PIP5K1C: variants seen among roughly 807,000 people sequenced by gnomAD.
PIP5K1C encodes the protein phosphatidylinositol-4-phosphate 5-kinase type 1 gamma.
In PIP5K1C, 45 loss-of-function variants were observed where a neutral mutation model predicts 80.1. The ratio of observed to expected loss-of-function variants is 0.56; its 90% confidence interval spans 0.44 to 0.72. The LOEUF (loss-of-function observed/expected upper bound fraction) is 0.72, where lower values mean the gene tolerates loss of function less well. PIP5K1C is among the 30% of genes least tolerant of loss of function. The pLI is 0.00. For synonymous variants in PIP5K1C, 498 were observed against 420.1 expected, an observed-to-expected ratio of 1.19 and a Z score of -2.27; for missense variants, 753 against 954.6, an observed-to-expected ratio of 0.79 and a Z score of 2.78.
At chr19:3,687,351 G>C (rs896851858) in intron 1 of PIP5K1C, among the ~76,000 whole-genome samples, 1 of 152,180 alleles carries the variant, frequency 6.6e-6, no homozygotes, top group Non-Finnish European at 1.5e-5. Context: ...GGCAGACTGA[G>C]ACTCAGTCTC....
chr19:3,637,665 C>G lies in PIP5K1C; in HGVS notation c.1920+1219G>C. On this transcript the variant is annotated intron_variant, in intron 16 of 17. Transcript: ENST00000335312. The surrounding 1 kb of genome is among the most constrained non-coding windows in gnomAD (Gnocchi z 7.0). ...GAGGAGGAAGGAAAACAGAGGACAGCGGATGAGGCGGCCACCCCCGTGGTC... is the reference window on the plus strand; with the variant it reads ...GAGGAGGAAGGAAAACAGAGGACAGGGGATGAGGCGGCCACCCCCGTGGTC... 1 of 1,506,042 alleles carries G rather than the reference C, an allele frequency of 6.6e-7. No homozygotes were observed. The highest frequency in any genetic ancestry group is 8.8e-7 in the Non-Finnish European group (1 of 1,130,656). The allele number at this position is 1,506,042 out of a possible 1,614,324, so 93.3% of individuals were successfully genotyped here.
chr19:3,677,111 A>T (rs1052031387), intron 1 of PIP5K1C, among the ~76,000 whole-genome samples: 18 of 151,774 alleles, frequency 1.2e-4, no homozygotes, highest in African/African-American at 4.1e-4. Context: ...TAAAATTAAA[A>T]TAAAATAAAA....
intron 1 of PIP5K1C, among the ~76,000 whole-genome samples, chr19:3,699,728 G>GC (rs1159925207): frequency 6.6e-6 from 1 of 152,090 alleles, no homozygotes; most frequent in Non-Finnish European, 1.5e-5. Flanking sequence ...CCAGCCCGCA[G>GC]CCCCACCAGT....
In PIP5K1C at chr19:3,683,930, C is replaced by A. The variant is rs10407023; in HGVS notation, c.94+16367G>T. Among the ~76,000 whole-genome samples, 232 of 134,178 alleles carry A rather than the reference C, an allele frequency of 1.7e-3. 4 individuals are homozygous for A. Among genetic ancestry groups the A allele is most frequent in the African/African-American group, 6.1e-3 (207 of 34,158 alleles). The allele number at this position is 134,178 out of a possible 152,430, so 88.0% of individuals were successfully genotyped here. On this transcript the variant is annotated intron_variant, in intron 1 of 17. Coordinates refer to ENST00000335312, the MANE Select transcript of PIP5K1C (RefSeq NM_012398.3). ...TTCCCCTCCCGGGCAGTCCCACACC[C>A]CCCCCACGCTGGAGCCCCCGCTTCC...
intron 8 of PIP5K1C, among the ~76,000 whole-genome samples, chr19:3,650,938 C>T (rs372504482): frequency 3.9e-5 from 6 of 151,934 alleles, no homozygotes; most frequent in African/African-American, 1.4e-4. Flanking sequence ...TTGTATTAAG[C>T]AGAGATGGGG....
In PIP5K1C at chr19:3,633,128, G is replaced by C. The variant is rs1201713168; in HGVS notation, c.*39C>G. 4 of 754,070 alleles carry C rather than the reference G, an allele frequency of 5.3e-6. No homozygotes were observed. The highest frequency in any genetic ancestry group is 9.9e-6 in the Non-Finnish European group (4 of 405,832). The allele number at this position is 754,070 out of a possible 1,614,324, so 46.7% of individuals were successfully genotyped here. A position where few individuals can be genotyped will look rare whatever the true frequency, so the allele number is the denominator to read the frequency against. On this transcript the variant is annotated 3_prime_UTR_variant, in exon 18 of 18. Coordinates refer to ENST00000335312, the MANE Select transcript of PIP5K1C (RefSeq NM_012398.3). ...AGCGCCTTCGGGGGCAGCCGGAGCA[G>C]AAGTGGAGCTCGGCTCTGGGTCGGG...
At chr19:3,671,898 G>A (rs1288275149) in intron 1 of PIP5K1C, among the ~76,000 whole-genome samples, 1 of 152,248 alleles carries the variant, frequency 6.6e-6, no homozygotes, top group Non-Finnish European at 1.5e-5. Flanking sequence ...TGCTGAATGA[G>A]CCACCCCGTT....
intron 12 of PIP5K1C, 76 bp from the exon 13 acceptor site, chr19:3,643,457 G>A: frequency 2.5e-6 from 4 of 1,575,426 alleles, no homozygotes; most frequent in Non-Finnish European, 3.5e-6. Context: ...CCTGAGGCTT[G>A]GCTCACCCTG....
At chr19:3,641,157 G>A (rs1425659591) in intron 15 of PIP5K1C, among the ~76,000 whole-genome samples, 1 of 151,996 alleles carries the variant, frequency 6.6e-6, no homozygotes, top group Non-Finnish European at 1.5e-5. Flanking sequence ...GGAGGCTGCA[G>A]TGAGCCAAGA....
rs1182931640 is a variant in PIP5K1C, at chr19:3,631,898, G to C, written c.*1269C>G. 1.3e-5 allele frequency: 2 copies of C among 152,274 alleles called. No homozygotes were observed. Among genetic ancestry groups the C allele is most frequent in the Non-Finnish European group, 2.9e-5 (2 of 68,072 alleles). 9.4% of individuals were successfully genotyped at this position (152,274 alleles called of 1,614,324 possible). ...CTTCCACTCCAGCTCCTCACATCCT[G>C]GGCACATCTTGGAAGTGGGGGATTC... On this transcript the variant is annotated 3_prime_UTR_variant, in exon 18 of 18. Coordinates refer to ENST00000335312, the MANE Select transcript of PIP5K1C (RefSeq NM_012398.3).
intron 8 of PIP5K1C, among the ~76,000 whole-genome samples, chr19:3,650,429 C>T (rs11668596): frequency 0.084 from 12,762 of 152,320 alleles, 668 homozygotes; most frequent in East Asian, 0.27. Context: ...CACTGCTATA[C>T]GACACCTGTC....
chr19:3,652,985 T>C (rs1461757298), intron 7 of PIP5K1C, among the ~76,000 whole-genome samples: 1 of 152,236 alleles, frequency 6.6e-6, no homozygotes, highest in Non-Finnish European at 1.5e-5. Flanking sequence ...GTGTTTTGTT[T>C]TCTTTGTGAG....
intron 5 of PIP5K1C, among the ~76,000 whole-genome samples, chr19:3,658,813 G>A (rs2034731344): frequency 6.6e-6 from 1 of 152,248 alleles, no homozygotes; most frequent in Admixed American, 6.5e-5. Flanking sequence ...ATGACTAATG[G>A]CAGTTGCAGG....
chr19:3,675,973 C>T (rs1046915394), intron 1 of PIP5K1C, among the ~76,000 whole-genome samples: 6 of 152,308 alleles, frequency 3.9e-5, no homozygotes, highest in Admixed American at 1.3e-4. Flanking sequence ...ATGTTCAACA[C>T]GGCTGCAACA....
intron 6 of PIP5K1C, among the ~76,000 whole-genome samples, chr19:3,654,204 C>T (rs2034545023): frequency 6.6e-6 from 1 of 152,224 alleles, no homozygotes. Flanking sequence ...TCAACTCAGA[C>T]TTTCACTCCA....
At chr19:3,634,561 C>A (rs1448317120) in intron 16 of PIP5K1C, among the ~76,000 whole-genome samples, 2 of 152,240 alleles carry the variant, frequency 1.3e-5, no homozygotes, top group Non-Finnish European at 2.9e-5. Flanking sequence ...AGTCACAACC[C>A]AGTCCATCAC....
In PIP5K1C at chr19:3,638,923, G is replaced by A; in HGVS notation, c.1881C>T (p.Ala627=). ...TGGCGGGCGCGTCCTCCTCGTCCGA[G>A]GCCTGGCTGGCAGGTGCGCCCTCCT... is the stretch of plus-strand genomic sequence containing the variant. ...SDEEGAPASQ[A]SDEEDAPATD... is the part of the protein sequence containing the mutation. Residue 627 remains alanine (A), a synonymous_variant, in exon 16 of 18, where the codon GCC becomes GCT. Transcript: ENST00000335312. The A allele has an allele frequency of 6.2e-7, 1 of 1,612,724 alleles. No homozygotes were observed. Among genetic ancestry groups the A allele is most frequent in the Non-Finnish European group, 8.5e-7 (1 of 1,179,926 alleles).
intron 2 of PIP5K1C, 80 bp from the exon 3 acceptor site, chr19:3,664,994 GA>G: frequency 8.4e-7 from 1 of 1,197,476 alleles, no homozygotes. Flanking sequence ...ACCCTGGGAA[GA>G]AAGGTTTAGT....
At chr19:3,671,955 C>A (rs749503668) in intron 1 of PIP5K1C, among the ~76,000 whole-genome samples, 24 of 152,248 alleles carry the variant, frequency 1.6e-4, no homozygotes, top group Admixed American at 6.5e-5. Context: ...GAAAGGCGAG[C>A]CGCGCTGCGG....
Sources: gnomAD v4.1 joint callset for allele counts (sites outside exome capture counted in the v4.1 genomes callset) on GRCh38, gnomAD v4.1.1 for gene constraint, Gnocchi (gnomAD v3.1) non-coding constraint, MANE v1.5 for transcripts, NCBI Gene and HGNC (gene_info 2026-07-23, HGNC 2026-07-21) for gene names.